CIDEA: variants seen among roughly 807,000 people sequenced by gnomAD.
CIDEA encodes lipid transferase CIDEA.
In CIDEA, 10 loss-of-function variants were observed where a neutral mutation model predicts 18.2. The ratio of observed to expected loss-of-function variants is 0.55; its 90% CI spans 0.34 to 0.93. CIDEA has a LOEUF of 0.93. Ranked by LOEUF, CIDEA falls within the 40% of genes least tolerant of loss-of-function variation. The probability of loss-of-function intolerance (pLI) is 0.02; values close to 1 mark genes in which losing one functional copy is unlikely to be tolerated. For missense variants in CIDEA, 309 were observed against 293.1 expected (o/e 1.05, Z -0.40); for synonymous variants, 128 against 124.8 (o/e 1.03, Z -0.17).
chr18:12,266,742 C>G (rs1432702535), intron 3 of CIDEA, among the ~76,000 whole-genome samples: 2 of 150,414 alleles, frequency 1.3e-5, no homozygotes, highest in African/African-American at 4.9e-5. Context: ...TTTTTTAAAA[C>G]AAGATACAAT....
chr18:12,266,423 C>A (rs537764203), intron 3 of CIDEA, among the ~76,000 whole-genome samples: 1 of 152,060 alleles, frequency 6.6e-6, no homozygotes, highest in South Asian at 2.1e-4. Context: ...CCATTGCACT[C>A]CAGCCCCAGG....
At chr18:12,272,759 C>CT (rs34247446) in intron 3 of CIDEA, among the ~76,000 whole-genome samples, 52,818 of 149,922 alleles carry the variant, frequency 0.35, 10,696 homozygotes, top group Non-Finnish European at 0.46. Context: ...CTTTTTCCTT[C>CT]TTTTTTTTTT....
At chr18:12,260,661 T>C (rs1342988097) in intron 1 of CIDEA, among the ~76,000 whole-genome samples, 1 of 152,240 alleles carries the variant, frequency 6.6e-6, no homozygotes, top group Non-Finnish European at 1.5e-5. Context: ...AAATAAAGCA[T>C]GGATAGATGG....
intron 3 of CIDEA, among the ~76,000 whole-genome samples, chr18:12,273,682 A>G (rs1568106441): frequency 6.6e-6 from 1 of 152,128 alleles, no homozygotes; most frequent in African/African-American, 2.4e-5. Flanking sequence ...AATTGAACCA[A>G]TGCTGCCTGC....
At chr18:12,261,997 G>A (rs1912206329) in intron 1 of CIDEA, among the ~76,000 whole-genome samples, 1 of 151,846 alleles carries the variant, frequency 6.6e-6, no homozygotes, top group Non-Finnish European at 1.5e-5. Flanking sequence ...GTAAGGCCCT[G>A]TCTCTACAAA....
At position 12,277,432 on chromosome 18, in the gene CIDEA, T is replaced by G; in HGVS notation, c.*162T>G. ...GAAAAGGAAAGGGCTTGGTGGTACA[T>G]GAAGTGGGGGCAGTGGGCAGGGTGC... On this transcript the variant is annotated 3_prime_UTR_variant, in exon 5 of 5. Transcript: ENST00000320477. 17 of 700,236 alleles carry G rather than the reference T, an allele frequency of 2.4e-5. No homozygotes were observed. Among genetic ancestry groups the G allele is most frequent in the South Asian group, 9.6e-5 (4 of 41,764 alleles). The allele number at this position is 700,236 out of a possible 1,614,324, so 43.4% of individuals were successfully genotyped here. A position where few individuals can be genotyped will look rare whatever the true frequency, so the allele number is the denominator to read the frequency against.
chr18:12,268,006 C>A (rs1030384894), intron 3 of CIDEA, among the ~76,000 whole-genome samples: 1 of 152,060 alleles, frequency 6.6e-6, no homozygotes, highest in Non-Finnish European at 1.5e-5. Flanking sequence ...GTGTCAAGGT[C>A]GAGAAACTAT....
At chr18:12,275,596 G>A (rs963354937) in intron 4 of CIDEA, among the ~76,000 whole-genome samples, 3 of 152,202 alleles carry the variant, frequency 2.0e-5, no homozygotes, top group South Asian at 2.1e-4. Flanking sequence ...AGGGCCGCCC[G>A]TTTCTCTTTG....
rs540309096 is a variant in CIDEA, at chr18:12,268,563, T to C, written c.330+4110T>C. Among the ~76,000 whole-genome samples, 4 of 151,314 alleles carry C rather than the reference T, an allele frequency of 2.6e-5. No individual in the cohort carries two copies. In the South Asian group the frequency reaches 8.4e-4, roughly 32 times the overall value. ...CCACCATGCCTGGCTGATTTTTGTA[T>C]CTTCTTGTAGAGACAGGGTTTTGCC... On this transcript the variant is annotated intron_variant, in intron 3 of 4. Transcript: ENST00000320477.
chr18:12,254,414 C>CT lies in CIDEA; in HGVS notation c.32dup (p.Ile12HisfsTer12). ...GGCCGCCCGGGACTATGCAGGAGCC[C>CT]TCATCAGGCGAGTGCCCCGCGTCCC... On this transcript the variant is annotated frameshift_variant, in exon 1 of 5. Transcript: ENST00000320477. LOFTEE classifies it high-confidence loss of function. 1.3e-6 allele frequency: 2 copies of CT among 1,587,612 alleles called. No individual in the cohort carries two copies. Among genetic ancestry groups the CT allele is most frequent in the South Asian group, 2.3e-5 (2 of 85,902 alleles).
At chr18:12,263,976 C>A (rs763552385) in intron 2 of CIDEA, 57 of 200,492 alleles carry the variant, frequency 2.8e-4, no homozygotes, top group Non-Finnish European at 4.5e-4. Flanking sequence ...ATGGCATGTA[C>A]TTGTAGCCCC....
At chr18:12,274,763 C>T (rs916725883) in intron 4 of CIDEA, among the ~76,000 whole-genome samples, 2 of 152,180 alleles carry the variant, frequency 1.3e-5, no homozygotes, top group Non-Finnish European at 2.9e-5. Context: ...ATCCCAAAGA[C>T]GAAGGCCAGG....
intron 3 of CIDEA, among the ~76,000 whole-genome samples, chr18:12,265,961 AAATT>A (rs1024146215): frequency 3.3e-5 from 5 of 152,308 alleles, no homozygotes; most frequent in African/African-American, 1.2e-4. Flanking sequence ...CTAAATAAAT[AAATT>A]AATTAAATGC....
At chr18:12,257,521 G>C (rs1169779995) in intron 1 of CIDEA, among the ~76,000 whole-genome samples, 1 of 152,160 alleles carries the variant, frequency 6.6e-6, no homozygotes, top group East Asian at 1.9e-4. Context: ...TGGCTTGTTG[G>C]TGTATTTCAC....
chr18:12,270,417 G>T (rs560535569), intron 3 of CIDEA, among the ~76,000 whole-genome samples: 33 of 152,082 alleles, frequency 2.2e-4, no homozygotes, highest in Non-Finnish European at 1.3e-4. Context: ...AGGGCTGGGC[G>T]CAGTGGCTCA....
Position 12,262,974 on chromosome 18 carries a change from C to T in CIDEA, c.183+5C>T. 3 of 1,613,840 alleles carry T rather than the reference C, an allele frequency of 1.9e-6. No individual in the cohort carries two copies. Among genetic ancestry groups the T allele is most frequent in the Non-Finnish European group, 1.7e-6 (2 of 1,179,920 alleles). Reference sequence around the variant, plus strand: ...CTGCAGGAGCTCATCAGCAAGGTGCCCCACATCCCGCACCTCTCCCCCAGT... The same window carrying T: ...CTGCAGGAGCTCATCAGCAAGGTGCTCCACATCCCGCACCTCTCCCCCAGT... On this transcript the variant is annotated splice_donor_5th_base_variant and intron_variant, in intron 2 of 4. Transcript: ENST00000320477.
At position 12,262,409 on chromosome 18, in the gene CIDEA, T is replaced by C. The variant is rs142158764; in HGVS notation, c.39-416T>C. ...CTGGCTTACCCTTATTGTGTAAACATGTAGCTATGTGCACGTGTCTGAGTG... is the reference window on the plus strand; with the variant it reads ...CTGGCTTACCCTTATTGTGTAAACACGTAGCTATGTGCACGTGTCTGAGTG... On this transcript the variant is annotated intron_variant, in intron 1 of 4. Transcript: ENST00000320477. Among the ~76,000 whole-genome samples the C allele has an allele frequency of 4.7e-3, 721 of 152,338 alleles. 7 individuals are homozygous for C. Among genetic ancestry groups the C allele is most frequent in the African/African-American group, 0.017 (687 of 41,570 alleles).
At chr18:12,266,668 G>A (rs1002161058) in intron 3 of CIDEA, among the ~76,000 whole-genome samples, 2 of 152,160 alleles carry the variant, frequency 1.3e-5, no homozygotes, top group Admixed American at 6.6e-5. Context: ...GGAACACGAA[G>A]GATGTTAGAG....
chr18:12,264,778 C>T (rs1194740299), intron 3 of CIDEA, among the ~76,000 whole-genome samples: 1 of 152,086 alleles, frequency 6.6e-6, no homozygotes, highest in Non-Finnish European at 1.5e-5. Context: ...TGGTCTCGAT[C>T]TCCTGACCTC....
Sources: gnomAD v4.1 joint callset for allele counts (sites outside exome capture counted in the v4.1 genomes callset) on GRCh38, gnomAD v4.1.1 for gene constraint, MANE v1.5 for transcripts, NCBI Gene and HGNC (gene_info 2026-07-23, HGNC 2026-07-21) for gene names.